The following ADAM10 variants were observed in gnomAD, a reference collection of about 807,000 sequenced individuals.
The protein encoded by ADAM10 is disintegrin and metalloproteinase domain-containing protein 10.
ADAM10 carries 17 observed loss-of-function variants against 90.1 expected under a neutral mutation model. The ratio of observed to expected loss-of-function variants is 0.19; its 90% CI spans 0.13 to 0.28. The LOEUF is 0.28. Ranked by LOEUF, ADAM10 falls within the 10% of genes least tolerant of loss-of-function variation. The pLI is 1.00. For synonymous variants in ADAM10, 310 were observed against 298.6 expected (o/e 1.04, Z -0.40); for missense variants, 610 against 914.3 (o/e 0.67, Z 4.29).
chr15:58,647,246 GTA>G (rs1896570536), intron 5 of ADAM10, among the ~76,000 whole-genome samples: 1 of 36,828 alleles, frequency 2.7e-5, no homozygotes, highest in Non-Finnish European at 6.9e-5. Context: ...TAGACACTAA[GTA>G]TTTTTTTTTT....
At chr15:58,692,615 T>A (rs1294084314) in intron 2 of ADAM10, 1 of 558,610 alleles carries the variant, frequency 1.8e-6, no homozygotes, top group African/African-American at 1.9e-5. Flanking sequence ...TTGACCCACC[T>A]CTCTTCTAAG....
At position 58,686,262 on chromosome 15, in the gene ADAM10, A is replaced by C. The variant is rs879105669; in HGVS notation, c.207-3948T>G. The C allele has an allele frequency of 3.1e-5, 18 of 578,526 alleles. No homozygotes were observed. The South Asian group carries it at 3.9e-4, about 13-fold the overall frequency. 35.8% of individuals were successfully genotyped at this position (578,526 alleles called of 1,614,324 possible). A position where few individuals can be genotyped will look rare whatever the true frequency, so the allele number is the denominator to read the frequency against. Reference sequence around the variant, plus strand: ...CATCGAAGTTGTGATCAAGCACAGAAGACAGACTTTGTTGTCATTTAATAG... The same window carrying C: ...CATCGAAGTTGTGATCAAGCACAGACGACAGACTTTGTTGTCATTTAATAG... On this transcript the variant is annotated intron_variant, in intron 2 of 15. Coordinates refer to ENST00000260408, the MANE Select transcript of ADAM10 (RefSeq NM_001110.4).
chr15:58,634,387 T>C (rs1191628120), intron 8 of ADAM10, among the ~76,000 whole-genome samples: 1 of 152,020 alleles, frequency 6.6e-6, no homozygotes, highest in Admixed American at 6.6e-5. Flanking sequence ...AATTAAAAAC[T>C]GAATTATGAT....
chr15:58,685,621 TTC>T (rs1447691937), intron 2 of ADAM10, among the ~76,000 whole-genome samples: 1 of 146,296 alleles, frequency 6.8e-6, no homozygotes, highest in East Asian at 2.0e-4. Context: ...TGTAGAGAAT[TTC>T]TGAGTAAGAT....
chr15:58,605,573 GA>G (rs1326517849), intron 14 of ADAM10, among the ~76,000 whole-genome samples: 3 of 152,136 alleles, frequency 2.0e-5, no homozygotes, highest in Non-Finnish European at 4.4e-5. Context: ...TCTCTCAAAA[GA>G]AAAGATCACA....
chr15:58,618,529 T>A (rs537793711), intron 11 of ADAM10, among the ~76,000 whole-genome samples: 1 of 152,094 alleles, frequency 6.6e-6, no homozygotes, highest in African/African-American at 2.4e-5. Context: ...TTACACACAC[T>A]AAAAAGCTTC....
intron 1 of ADAM10, among the ~76,000 whole-genome samples, chr15:58,741,714 C>G (rs1899622155): frequency 6.6e-6 from 1 of 152,168 alleles, no homozygotes; most frequent in Non-Finnish European, 1.5e-5. Flanking sequence ...AGTTTTTCTT[C>G]CATGTCATTT....
intron 1 of ADAM10, among the ~76,000 whole-genome samples, chr15:58,734,705 TAA>T (rs1217294864): frequency 8.3e-6 from 1 of 120,238 alleles, no homozygotes. Flanking sequence ...GTCTCAAAAT[TAA>T]AAAAAAAAAA....
intron 2 of ADAM10, among the ~76,000 whole-genome samples, chr15:58,690,477 C>G (rs148085398): frequency 3.1e-4 from 47 of 152,248 alleles, no homozygotes; most frequent in African/African-American, 1.1e-3. Context: ...TGTATAAAAA[C>G]AGCATATTCT....
chr15:58,615,667 CA>C (rs1244191887), intron 11 of ADAM10, among the ~76,000 whole-genome samples: 1 of 152,048 alleles, frequency 6.6e-6, no homozygotes, highest in Admixed American at 6.6e-5. Flanking sequence ...ACAAAGTAAG[CA>C]AGACTAGCTA....
intron 13 of ADAM10, 29 bp downstream of exon 13, chr15:58,610,970 T>G (rs1895422434): frequency 6.4e-7 from 1 of 1,552,366 alleles, no homozygotes; most frequent in East Asian, 2.2e-5. Context: ...GAGGCAAATT[T>G]TATACTCTTG....
rs373642711 is a variant in ADAM10 at position 58,640,766 on chromosome 15, T to C, written c.1012+11A>G. On this transcript the variant is annotated intron_variant, in intron 8 of 15. Coordinates refer to ENST00000260408, the MANE Select transcript of ADAM10 (RefSeq NM_001110.4). ...GTAGTAAGTTAAGACATATTTAATA[T>C]GATAAACTACCTGAAGGTGCTCCAA... The C allele has an allele frequency of 3.7e-6, 6 of 1,613,176 alleles. No homozygotes were observed. The highest frequency in any genetic ancestry group is 2.2e-5 in the South Asian group (2 of 90,990).
At chr15:58,613,882 G>T (rs1196363809) in intron 11 of ADAM10, among the ~76,000 whole-genome samples, 1 of 152,222 alleles carries the variant, frequency 6.6e-6, no homozygotes, top group East Asian at 1.9e-4. Flanking sequence ...TTGGGAGGCT[G>T]AGGTGGGAGG....
chr15:58,667,598 A>G (rs1897107393), intron 4 of ADAM10, among the ~76,000 whole-genome samples: 1 of 152,164 alleles, frequency 6.6e-6, no homozygotes, highest in African/African-American at 2.4e-5. Flanking sequence ...AATTTAAAAT[A>G]GAATGACTTC....
rs566959893 is a variant in ADAM10 at position 58,638,341 on chromosome 15, T to C, written c.1012+2436A>G. ...TTTTGCTCATGAAGTACACAGGAAGTATCTTGTTTCACCTTTAAGAAGACC... is the reference window on the plus strand; with the variant it reads ...TTTTGCTCATGAAGTACACAGGAAGCATCTTGTTTCACCTTTAAGAAGACC... On this transcript the variant is annotated intron_variant, in intron 8 of 15. Transcript: ENST00000260408. Among the ~76,000 whole-genome samples, 226 of 152,250 alleles carry C rather than the reference T, an allele frequency of 1.5e-3. 1 individual carries two copies. The highest frequency in any genetic ancestry group is 5.1e-3 in the African/African-American group (211 of 41,550).
At chr15:58,717,080 A>AT (rs1397870962) in intron 2 of ADAM10, among the ~76,000 whole-genome samples, 12 of 152,080 alleles carry the variant, frequency 7.9e-5, no homozygotes, top group Non-Finnish European at 1.5e-4. Flanking sequence ...TCAATAAGTG[A>AT]TTTTTTTTAA....
At chr15:58,662,033 C>T (rs1400833670) in intron 5 of ADAM10, among the ~76,000 whole-genome samples, 1 of 152,084 alleles carries the variant, frequency 6.6e-6, no homozygotes, top group African/African-American at 2.4e-5. Flanking sequence ...CTGTAATTAA[C>T]AGACGTTGTG....
At chr15:58,743,140 A>G (rs2140852112) in intron 1 of ADAM10, among the ~76,000 whole-genome samples, 1 of 152,222 alleles carries the variant, frequency 6.6e-6, no homozygotes, top group South Asian at 2.1e-4. Context: ...AAACCAAATG[A>G]AATGCAAATC....
Position 58,597,340 on chromosome 15 carries a change from C to G in ADAM10, c.*207G>C. 2.0e-6 allele frequency: 3 copies of G among 1,522,978 alleles called. No individual in the cohort carries two copies. The highest frequency in any genetic ancestry group is 2.6e-6 in the Non-Finnish European group (3 of 1,133,798). 94.3% of individuals were successfully genotyped at this position (1,522,978 alleles called of 1,614,324 possible). A position where few individuals can be genotyped will look rare whatever the true frequency, so the allele number is the denominator to read the frequency against. Reference sequence around the variant, plus strand: ...TATCTGTTCATAAGAAAATTGGGTTCCTTTTCCACCTCCCACCCCCAAATT... The same window carrying G: ...TATCTGTTCATAAGAAAATTGGGTTGCTTTTCCACCTCCCACCCCCAAATT... On this transcript the variant is annotated 3_prime_UTR_variant, in exon 16 of 16. Transcript: ENST00000260408.
Sources: allele counts gnomAD v4.1 joint callset (sites outside exome capture counted in the v4.1 genomes callset), GRCh38; gene constraint gnomAD v4.1.1; transcripts MANE v1.5; gene names NCBI Gene and HGNC (gene_info 2026-07-23, HGNC 2026-07-21).